The following AGBL4 variants were observed in gnomAD, a reference collection of about 807,000 sequenced individuals.
AGBL4 encodes cytosolic carboxypeptidase 6.
Under a neutral mutation model 66.4 loss-of-function variants are expected in AGBL4, and 58 were observed. That is an observed-to-expected ratio of 0.87 (90% CI 0.71 to 1.09). The LOEUF is 1.09. Among genes scored for constraint, AGBL4 ranks in the 50% least tolerant of loss-of-function variants. AGBL4 has a pLI of 0.00. For missense variants in AGBL4, 579 were observed against 631.0 expected, an observed-to-expected ratio of 0.92 and a Z score of 0.88; for synonymous variants, 234 against 222.9, an observed-to-expected ratio of 1.05 and a Z score of -0.44.
intron 3 of AGBL4, among the ~76,000 whole-genome samples, chr1:49,437,283 T>A (rs747280312): frequency 1.9e-4 from 29 of 152,208 alleles, no homozygotes; most frequent in Admixed American, 4.6e-4. Flanking sequence ...GTAGGTATTA[T>A]TCTCATTTTA....
At position 49,937,657 on chromosome 1, in the gene AGBL4, G is replaced by A. The variant is rs545309941; in HGVS notation, c.34+86106C>T. On this transcript the variant is annotated intron_variant, in intron 1 of 13. Coordinates refer to ENST00000371839, the MANE Select transcript of AGBL4 (RefSeq NM_032785.4). ...CAAACTGTCCCTCAGACCACAGTGC[G>A]ATCAAACTAGAACGCAGGATTAAGA... 4.0e-4 allele frequency among the ~76,000 whole-genome samples: 61 copies of A among 152,194 alleles called. 1 individual carries two copies. The South Asian group carries it at 0.01, about 25-fold the overall frequency.
intron 3 of AGBL4, among the ~76,000 whole-genome samples, chr1:49,303,231 G>A (rs548543771): frequency 2.0e-5 from 3 of 152,008 alleles, no homozygotes; most frequent in East Asian, 1.9e-4. Flanking sequence ...TTGAGGAATC[G>A]CCAAACTGTC....
chr1:48,706,208 ATTATT>A lies in AGBL4; in HGVS notation c.635-42972_635-42968del, dbSNP rs374047760. ...TATGCTTTATAACTTATGGACCTAT[ATTATT>A]TTATATGTATTAGATATTTTAAAAG... On this transcript the variant is annotated intron_variant, in intron 6 of 13. Transcript: ENST00000371839. Among the ~76,000 whole-genome samples, 753 of 152,288 alleles carry A rather than the reference ATTATT, an allele frequency of 4.9e-3. 6 individuals are homozygous for A. Among genetic ancestry groups the A allele is most frequent in the African/African-American group, 0.015 (642 of 41,560 alleles).
chr1:48,740,501 T>C (rs1382341671), intron 6 of AGBL4, among the ~76,000 whole-genome samples: 1 of 152,232 alleles, frequency 6.6e-6, no homozygotes, highest in East Asian at 1.9e-4. Context: ...AGAAACACAA[T>C]GCACTTTACC....
intron 1 of AGBL4, among the ~76,000 whole-genome samples, chr1:49,979,147 T>C (rs1032853783): frequency 6.6e-6 from 1 of 152,210 alleles, no homozygotes; most frequent in Non-Finnish European, 1.5e-5. Flanking sequence ...AAATTTGTTA[T>C]AAAAAGTTAA....
intron 2 of AGBL4, among the ~76,000 whole-genome samples, chr1:49,705,515 T>C (rs1425789445): frequency 6.6e-6 from 1 of 152,132 alleles, no homozygotes; most frequent in Non-Finnish European, 1.5e-5. Flanking sequence ...CTCTTCCTAT[T>C]TGAATACCCT....
intron 4 of AGBL4, among the ~76,000 whole-genome samples, chr1:49,098,453 A>G (rs1645146398): frequency 6.6e-6 from 1 of 152,220 alleles, no homozygotes; most frequent in Non-Finnish European, 1.5e-5. Flanking sequence ...AGATATGAGA[A>G]GAGATGTGAT....
At chr1:48,775,308 T>G (rs555015244) in intron 6 of AGBL4, among the ~76,000 whole-genome samples, 1 of 152,192 alleles carries the variant, frequency 6.6e-6, no homozygotes, top group East Asian at 1.9e-4. Context: ...TGCAAACCGA[T>G]TTTTCAGAGG....
chr1:49,850,460 T>C (rs985131090), intron 2 of AGBL4, among the ~76,000 whole-genome samples: 2 of 152,168 alleles, frequency 1.3e-5, no homozygotes, highest in South Asian at 2.1e-4. Flanking sequence ...TGGTACTTTG[T>C]GACAAACTGA....
At chr1:49,566,040 T>C (rs1644193584) in intron 3 of AGBL4, among the ~76,000 whole-genome samples, 1 of 152,210 alleles carries the variant, frequency 6.6e-6, no homozygotes, top group Non-Finnish European at 1.5e-5. Context: ...TCATGCTTCA[T>C]TTCATTCATT....
chr1:48,691,535 C>T (rs116671960), intron 6 of AGBL4, among the ~76,000 whole-genome samples: 275 of 152,200 alleles, frequency 1.8e-3, no homozygotes, highest in African/African-American at 6.4e-3. Flanking sequence ...TGAGAATGTT[C>T]GCTCAGGGAG....
chr1:49,711,861 C>T (rs923759086), intron 2 of AGBL4, among the ~76,000 whole-genome samples: 3 of 152,010 alleles, frequency 2.0e-5, no homozygotes, highest in Non-Finnish European at 2.9e-5. Flanking sequence ...AAGTATTACG[C>T]ACAGTATAAT....
chr1:48,931,611 C>T (rs1655041657), intron 5 of AGBL4, among the ~76,000 whole-genome samples: 1 of 152,054 alleles, frequency 6.6e-6, no homozygotes, highest in African/African-American at 2.4e-5. Flanking sequence ...CCTTGTTCTC[C>T]AGTGCTCAAA....
intron 1 of AGBL4, chr1:49,994,294 A>T (rs1241490324): frequency 6.6e-6 from 1 of 151,616 alleles, no homozygotes. Flanking sequence ...CAATGTGTTG[A>T]ACTACACCAT....
chr1:49,970,876 A>G (rs1658025900), intron 1 of AGBL4, among the ~76,000 whole-genome samples: 1 of 152,150 alleles, frequency 6.6e-6, no homozygotes, highest in Non-Finnish European at 1.5e-5. Context: ...TGTGACAGTA[A>G]GCTAATTTTC....
intron 3 of AGBL4, among the ~76,000 whole-genome samples, chr1:49,558,213 G>A (rs1232650634): frequency 6.6e-6 from 1 of 152,062 alleles, no homozygotes; most frequent in Non-Finnish European, 1.5e-5. Context: ...TGTGGTAGCT[G>A]TGGGGAAAAA....
At chr1:50,000,840 T>C (rs1000061305) in intron 1 of AGBL4, among the ~76,000 whole-genome samples, 1 of 152,082 alleles carries the variant, frequency 6.6e-6, no homozygotes, top group Non-Finnish European at 1.5e-5. Context: ...TTCTCATTCA[T>C]AAGTAGGAAC....
chr1:49,400,408 T>C (rs1276911217), intron 3 of AGBL4, among the ~76,000 whole-genome samples: 1 of 152,120 alleles, frequency 6.6e-6, no homozygotes, highest in Non-Finnish European at 1.5e-5. Flanking sequence ...TTTTTTCTAT[T>C]TCAGTGAAAA....
chr1:49,810,793 T>C (rs1557469932), intron 2 of AGBL4, among the ~76,000 whole-genome samples: 1 of 152,142 alleles, frequency 6.6e-6, no homozygotes, highest in Non-Finnish European at 1.5e-5. Context: ...AGTTTTTTAG[T>C]AGAAAGTGAT....
Sources: gnomAD v4.1 joint callset for allele counts (sites outside exome capture counted in the v4.1 genomes callset) on GRCh38, gnomAD v4.1.1 for gene constraint, MANE v1.5 for transcripts, NCBI Gene and HGNC (gene_info 2026-07-23, HGNC 2026-07-21) for gene names.